The following GAK variants were observed in gnomAD, a reference collection of about 807,000 sequenced individuals.
GAK encodes the protein cyclin-G-associated kinase.
Under a neutral mutation model 143.9 loss-of-function variants are expected in GAK, and 79 were observed. The ratio of observed to expected loss-of-function variants is 0.55; its 90% CI spans 0.46 to 0.66. GAK has a LOEUF of 0.66. Ranked by LOEUF, GAK falls within the 30% of genes least tolerant of loss-of-function variation. The pLI, the probability that GAK is intolerant of heterozygous loss-of-function variation, is 0.00. For synonymous variants in GAK, 881 were observed against 765.5 expected (o/e 1.15, Z -2.49); for missense variants, 1,693 against 1,779.7 (o/e 0.95, Z 0.88).
At chr4:890,799 G>A (rs1014262939) in intron 9 of GAK, among the ~76,000 whole-genome samples, 177 bp from the exon 10 acceptor site, 3 of 152,184 alleles carry the variant, frequency 2.0e-5, no homozygotes, top group Non-Finnish European at 4.4e-5. Flanking sequence ...CTCAACAAAC[G>A]CACGCAGCCC....
chr4:904,807 G>A (rs753749519), intron 4 of GAK, 28 bp from the exon 5 acceptor site: 2 of 1,610,120 alleles, frequency 1.2e-6, no homozygotes, highest in East Asian at 4.5e-5. Context: ...TCACATGGAG[G>A]CAGGAGAACA....
rs1370854588 is a variant in GAK at position 850,085 on chromosome 4, G to A, written c.3658-17C>T. 1.3e-6 allele frequency: 2 copies of A among 1,549,412 alleles called. No individual in the cohort carries two copies. Among genetic ancestry groups the A allele is most frequent in the Non-Finnish European group, 8.8e-7 (1 of 1,138,614 alleles). ...GTCCAGGAGCTGCGGGAGACACGGAGCTTGCCGAGCCCTGGGCACCTGCCT... is the reference window on the plus strand; with the variant it reads ...GTCCAGGAGCTGCGGGAGACACGGAACTTGCCGAGCCCTGGGCACCTGCCT... On this transcript the variant is annotated splice_polypyrimidine_tract_variant and intron_variant, in intron 26 of 27. Transcript: ENST00000314167.
At chr4:851,193 C>T (rs1351327063) in intron 25 of GAK, 109 bp from the exon 26 acceptor site, 1 of 920,368 alleles carries the variant, frequency 1.1e-6, no homozygotes, top group African/African-American at 1.7e-5. Flanking sequence ...TGCCTCCCGG[C>T]CTCAAGCGAT....
chr4:916,594 A>C (rs1723122351), intron 1 of GAK, among the ~76,000 whole-genome samples: 1 of 152,218 alleles, frequency 6.6e-6, no homozygotes, highest in Non-Finnish European at 1.5e-5. Context: ...ACAAGTACAC[A>C]ACGTGTCCCA....
At chr4:902,941 A>C (rs1455600372) in intron 5 of GAK, among the ~76,000 whole-genome samples, 1 of 152,260 alleles carries the variant, frequency 6.6e-6, no homozygotes, top group African/African-American at 2.4e-5. Context: ...CTTCATTAAC[A>C]TCAGGAAAAG....
chr4:879,155 C>T (rs777068031), intron 15 of GAK, among the ~76,000 whole-genome samples: 12 of 152,252 alleles, frequency 7.9e-5, no homozygotes, highest in East Asian at 7.7e-4. Context: ...GTTCTAAGCC[C>T]GAGTGTGTTG....
In GAK at chr4:849,441, G is replaced by A. The variant is rs1747659407; in HGVS notation, c.*232C>T. On this transcript the variant is annotated 3_prime_UTR_variant, in exon 28 of 28. Transcript: ENST00000314167. ...TAAATCACAGACGTGACAATTGCGG[G>A]AGGAGCATGAATCAGCTGTTCCTTC... 2 of 563,886 alleles carry A rather than the reference G, an allele frequency of 3.5e-6. No individual in the cohort carries two copies. Among genetic ancestry groups the A allele is most frequent in the Admixed American group, 3.0e-5 (1 of 32,898 alleles). 34.9% of individuals were successfully genotyped at this position (563,886 alleles called of 1,614,324 possible).
At chr4:913,817 C>G (rs1333094760) in intron 1 of GAK, 149 bp from the exon 2 acceptor site, 9 of 660,474 alleles carry the variant, frequency 1.4e-5, no homozygotes, top group Non-Finnish European at 2.4e-5. Flanking sequence ...CGTACACGCC[C>G]CCCGCAAACA....
At position 867,254 on chromosome 4, in the gene GAK, C is replaced by T. The variant is rs766292898; in HGVS notation, c.2574G>A (p.Gln858=). The change falls in exon 21 of 28, where the codon CAG becomes CAA. Residue 858 remains glutamine (Q), a synonymous_variant. Transcript: ENST00000314167. The part of the protein sequence containing the change: ...EPPGLAAGLV[Q]QDLVFEVETP... Reference sequence around the variant, plus strand: ...TCTCCACCTCAAAAACCAAGTCCTGCTGCACCAGCCCTGCTGCCAGGCCGG... The same window carrying T: ...TCTCCACCTCAAAAACCAAGTCCTGTTGCACCAGCCCTGCTGCCAGGCCGG... The T allele has an allele frequency of 6.2e-7, 1 of 1,613,350 alleles. No homozygotes were observed. Among genetic ancestry groups the T allele is most frequent in the Non-Finnish European group, 8.5e-7 (1 of 1,179,746 alleles).
At chr4:874,779 T>A (rs1469587100) in intron 18 of GAK, among the ~76,000 whole-genome samples, 1 of 152,188 alleles carries the variant, frequency 6.6e-6, no homozygotes, top group African/African-American at 2.4e-5. Flanking sequence ...AAGTATTATT[T>A]CTGTTCCACT....
rs61039653 is a variant in GAK, at chr4:894,213, G to A, written c.742-204C>T. ...ACATGGGAAATGCAGGGGTGACACC[G>A]GGGCCTGCGGGAACAACAGGGGTGA... On this transcript the variant is annotated intron_variant, in intron 7 of 27. Transcript: ENST00000314167. 1.1e-3 allele frequency: 574 copies of A among 501,712 alleles called. 11 individuals are homozygous for A. In the East Asian group the frequency reaches 0.02, roughly 17 times the overall value. 31.1% of individuals were successfully genotyped at this position (501,712 alleles called of 1,614,324 possible).
chr4:893,841 C>T, intron 8 of GAK, 33 bp downstream of exon 8: 2 of 1,551,862 alleles, frequency 1.3e-6, no homozygotes, highest in South Asian at 1.2e-5. Flanking sequence ...GCTCCAGGGT[C>T]CTGCCCCACG....
At chr4:890,716 C>A in intron 9 of GAK, 94 bp from the exon 10 acceptor site, 1 of 955,306 alleles carries the variant, frequency 1.0e-6, no homozygotes, top group Non-Finnish European at 1.6e-6. Flanking sequence ...CCCTCAGAGC[C>A]CATCCTTCTG....
In GAK at chr4:866,993, G is replaced by A. The variant is rs774809705; in HGVS notation, c.2835C>T (p.Ser945=). 34 of 1,498,010 alleles carry A rather than the reference G, an allele frequency of 2.3e-5. No individual in the cohort carries two copies. Among genetic ancestry groups the A allele is most frequent in the Middle Eastern group, 2.3e-4 (1 of 4,302 alleles). 92.8% of individuals were successfully genotyped at this position (1,498,010 alleles called of 1,614,324 possible). A position where few individuals can be genotyped will look rare whatever the true frequency, so the allele number is the denominator to read the frequency against. Residue 945 remains serine, a synonymous_variant, in exon 21 of 28, where the codon AGC becomes AGT. Coordinates refer to ENST00000314167, the MANE Select transcript of GAK (RefSeq NM_005255.4). ...LLLASPAPPL[S]VQSTPRGGPP... Reference sequence around the variant, plus strand: ...GCCCTCCTCTTGGGGTGCTCTGCACGCTCAGGGGAGGGGCCGGGCTTGCCA... The same window carrying A: ...GCCCTCCTCTTGGGGTGCTCTGCACACTCAGGGGAGGGGCCGGGCTTGCCA...
chr4:927,695 TCAC>T, intron 1 of GAK, among the ~76,000 whole-genome samples: 1 of 132,108 alleles, frequency 7.6e-6, no homozygotes, highest in South Asian at 2.5e-4. Flanking sequence ...CCCTCCCCGC[TCAC>T]CTGCCCTCCG....
At position 882,806 on chromosome 4, in the gene GAK, C is replaced by G; in HGVS notation, c.1418G>C (p.Gly473Ala). The G allele has an allele frequency of 6.2e-7, 1 of 1,610,160 alleles. No individual in the cohort carries two copies. The highest frequency in any genetic ancestry group is 8.5e-7 in the Non-Finnish European group (1 of 1,179,834). The change falls in exon 14 of 28, where the codon GGC becomes GCC. Residue 473 changes from glycine (G) to alanine (A), a missense_variant. By Grantham distance (60) the Gly-to-Ala change is moderately conservative. Around this residue, in one of 2 missense-constraint regions of GAK, gnomAD observed 871 missense variants for 991.0 expected, o/e 0.88. Transcript: ENST00000314167. ...SRFHNRVSEC[G>A]WAARRAPHLH... Reference sequence around the variant, plus strand: ...GTGTGGGGCCCGCCGTGCTGCCCAGCCACACTCGGAGACCTGTGGGGACAG... The same window carrying G: ...GTGTGGGGCCCGCCGTGCTGCCCAGGCACACTCGGAGACCTGTGGGGACAG...
rs2152941184 is a variant in GAK at position 913,645 on chromosome 4, C to T, written c.169G>A (p.Ala57Thr). The T allele has an allele frequency of 6.2e-7, 1 of 1,613,736 alleles. No homozygotes were observed. ...TCTCTGCCACTCCCCACATCTTGAG[C>T]TTCATACACAAATGCAAACCCTCCT... ...AEGGFAFVYE[A>T]QDVGSGREYA... Residue 57 changes from alanine to threonine, a missense_variant, in exon 2 of 28, where the codon GCT (alanine) becomes ACT (threonine). Physicochemically the swap from Ala to Thr is moderately conservative, Grantham distance 58. Transcript: ENST00000314167.
chr4:891,996 G>A (rs1236375593), intron 9 of GAK, among the ~76,000 whole-genome samples: 1 of 152,128 alleles, frequency 6.6e-6, no homozygotes, highest in Non-Finnish European at 1.5e-5. Context: ...CGCCAGAGAG[G>A]GGCACCACAG....
intron 24 of GAK, chr4:859,053 G>A: frequency 1.9e-6 from 1 of 534,718 alleles, no homozygotes; most frequent in Non-Finnish European, 2.4e-6. Flanking sequence ...GGGACCCCAG[G>A]GGGATGCATC....
Sources: gnomAD v4.1 joint callset for allele counts (sites outside exome capture counted in the v4.1 genomes callset) on GRCh38, gnomAD v4.1.1 for gene constraint, gnomAD v4.1.1 regional missense constraint, MANE v1.5 for transcripts, NCBI Gene and HGNC (gene_info 2026-07-23, HGNC 2026-07-21) for gene names.